Variants in GOLM1 observed in about 807,000 individuals in gnomAD.
The protein encoded by GOLM1 is golgi membrane protein 1.
Under a neutral mutation model 50.5 loss-of-function variants are expected in GOLM1, and 31 were observed. That is an observed-to-expected ratio of 0.61 (90% CI 0.46 to 0.83). GOLM1 has a LOEUF of 0.83. GOLM1 is among the 40% of genes least tolerant of loss of function. The pLI is 0.00. For synonymous variants in GOLM1, 178 were observed against 192.8 expected (o/e 0.92, Z 0.64); for missense variants, 491 against 501.3 (o/e 0.98, Z 0.20).
intron 1 of GOLM1, among the ~76,000 whole-genome samples, chr9:86,090,924 G>A (rs1835165534): frequency 6.6e-6 from 1 of 152,154 alleles, no homozygotes; most frequent in East Asian, 1.9e-4. Context: ...TGTGGGTTGC[G>A]AAGAGCATGG....
At chr9:86,082,153 C>T (rs780317257) in intron 1 of GOLM1, among the ~76,000 whole-genome samples, 11 of 149,722 alleles carry the variant, frequency 7.3e-5, no homozygotes, top group Middle Eastern at 3.5e-3. Context: ...CTCAGCCTCC[C>T]GAGTAGCTGG....
At chr9:86,053,751 T>C (rs202135957) in intron 3 of GOLM1, among the ~76,000 whole-genome samples, 7 of 2,122 alleles carry the variant, frequency 3.3e-3, no homozygotes, top group African/African-American at 5.3e-3. Context: ...CACCACACAC[T>C]ACTGCACACA....
At chr9:86,048,292 A>G (rs1014200444) in intron 4 of GOLM1, among the ~76,000 whole-genome samples, 28 of 151,732 alleles carry the variant, frequency 1.8e-4, no homozygotes, top group African/African-American at 6.6e-4. Context: ...ATTTGGGTTG[A>G]TTCCATGTCT....
At chr9:86,073,597 C>A (rs975917974) in intron 3 of GOLM1, among the ~76,000 whole-genome samples, 1 of 152,074 alleles carries the variant, frequency 6.6e-6, no homozygotes, top group Non-Finnish European at 1.5e-5. Flanking sequence ...ACACTGCTCC[C>A]GAACCTTACA....
chr9:86,061,327 AG>A (rs1263458745), intron 3 of GOLM1, among the ~76,000 whole-genome samples: 2 of 152,188 alleles, frequency 1.3e-5, no homozygotes, highest in Non-Finnish European at 2.9e-5. Context: ...GAGAAATTTG[AG>A]GTAGATTCAA....
At chr9:86,095,499 C>T (rs1033207803) in intron 1 of GOLM1, among the ~76,000 whole-genome samples, 1 of 151,878 alleles carries the variant, frequency 6.6e-6, no homozygotes, top group Admixed American at 6.6e-5. Flanking sequence ...CCGCCCACCT[C>T]AGCCTCCCAA....
Position 86,035,497 on chromosome 9 carries a change from G to C in GOLM1, c.886C>G (p.Leu296Val). The part of the protein sequence containing the change: ...GGRGFGGAGE[L>V]GQTPQVQAAL... ...GCCTGCACCTGTGGGGTCTGGCCCA[G>C]TTCTCCGGCTCCCCCGAAGCCTCTT... The change falls in exon 8 of 10, where the codon CTG becomes GTG. Residue 296 changes from leucine (L) to valine (V), a missense_variant. Transcript: ENST00000388712. 1 of 1,613,218 alleles carries C rather than the reference G, an allele frequency of 6.2e-7. No individual in the cohort carries two copies. Among genetic ancestry groups the C allele is most frequent in the Non-Finnish European group, 8.5e-7 (1 of 1,179,952 alleles).
At chr9:86,039,918 A>T (rs1447682393) in intron 6 of GOLM1, among the ~76,000 whole-genome samples, 3 of 151,038 alleles carry the variant, frequency 2.0e-5, no homozygotes, top group Non-Finnish European at 4.4e-5. Context: ...CAGTGAGCTG[A>T]GATCGCGCCA....
chr9:86,039,860 C>T (rs992013347), intron 6 of GOLM1, among the ~76,000 whole-genome samples: 2 of 151,338 alleles, frequency 1.3e-5, no homozygotes, highest in East Asian at 1.9e-4. Flanking sequence ...CCCAGCTACT[C>T]GGGAGGCTGA....
Position 86,053,669 on chromosome 9 carries a change from A to T in GOLM1, c.310-1078T>A, listed in dbSNP as rs1329476426. On this transcript the variant is annotated intron_variant, in intron 3 of 9. Transcript: ENST00000388712. ...CACACCATGCTACACCACTCCACACACGGCACACCACTCCACACACACCAC... is the reference window on the plus strand; with the variant it reads ...CACACCATGCTACACCACTCCACACTCGGCACACCACTCCACACACACCAC... Among the ~76,000 whole-genome samples, 123 of 35,298 alleles carry T rather than the reference A, an allele frequency of 3.5e-3. 5 individuals carry two copies. In the East Asian group the frequency reaches 0.049, roughly 14 times the overall value. The allele number at this position is 35,298 out of a possible 152,430, so 23.2% of individuals were successfully genotyped here. A position where few individuals can be genotyped will look rare whatever the true frequency, so the allele number is the denominator to read the frequency against.
intron 1 of GOLM1, chr9:86,080,097 AT>A (rs1188475439): frequency 3.3e-5 from 5 of 152,218 alleles, no homozygotes; most frequent in African/African-American, 4.8e-5. Flanking sequence ...GAAACAAGGC[AT>A]TCACTCCATG....
At chr9:86,053,629 CTACAAA>C (rs1833877434) in intron 3 of GOLM1, among the ~76,000 whole-genome samples, 6 of 78,540 alleles carry the variant, frequency 7.6e-5, no homozygotes, top group Non-Finnish European at 1.6e-4. Context: ...CCAAACATCA[CTACAAA>C]ACACACACCA....
intron 1 of GOLM1, among the ~76,000 whole-genome samples, chr9:86,084,628 C>T (rs1183396923): frequency 6.6e-6 from 1 of 152,142 alleles, no homozygotes; most frequent in Admixed American, 6.6e-5. Context: ...TACTATTTTC[C>T]AACCCTTCCT....
At chr9:86,048,240 A>G (rs1043720899) in intron 4 of GOLM1, among the ~76,000 whole-genome samples, 3 of 152,252 alleles carry the variant, frequency 2.0e-5, no homozygotes, top group East Asian at 1.9e-4. Context: ...TCCATGGTGT[A>G]TATGTGCCAC....
intron 3 of GOLM1, among the ~76,000 whole-genome samples, chr9:86,055,467 C>G (rs892111056): frequency 6.6e-6 from 1 of 152,156 alleles, no homozygotes; most frequent in Non-Finnish European, 1.5e-5. Context: ...AAAGCAGGAT[C>G]CCTAAGAGAT....
intron 1 of GOLM1, among the ~76,000 whole-genome samples, chr9:86,092,883 A>G (rs968277965): frequency 3.3e-5 from 5 of 152,208 alleles, no homozygotes; most frequent in African/African-American, 1.2e-4. Context: ...TGCGGATGAG[A>G]TGGAAGTGGG....
At chr9:86,081,447 C>T (rs529966798) in intron 1 of GOLM1, among the ~76,000 whole-genome samples, 5 of 152,060 alleles carry the variant, frequency 3.3e-5, no homozygotes, top group African/African-American at 9.7e-5. Context: ...CCGTCTGCCT[C>T]GTTCTCCCAA....
intron 9 of GOLM1, among the ~76,000 whole-genome samples, chr9:86,031,187 G>A (rs1036275450): frequency 4.0e-5 from 6 of 151,828 alleles, no homozygotes; most frequent in Non-Finnish European, 7.4e-5. Flanking sequence ...TCCAGCCTGG[G>A]CAACAGAGTG....
chr9:86,095,636 T>C (rs978122699), intron 1 of GOLM1, among the ~76,000 whole-genome samples: 4 of 152,154 alleles, frequency 2.6e-5, no homozygotes, highest in African/African-American at 9.7e-5. Context: ...ATTCTCCACA[T>C]ATTCCTGGCT....
Sources: gnomAD v4.1 joint callset for allele counts (sites outside exome capture counted in the v4.1 genomes callset) on GRCh38, gnomAD v4.1.1 for gene constraint, MANE v1.5 for transcripts, NCBI Gene and HGNC (gene_info 2026-07-23, HGNC 2026-07-21) for gene names.